Variants in MYO7B observed in about 807,000 individuals in gnomAD.
MYO7B encodes the protein myosin VIIB, also known as unconventional myosin-VIIb.
A neutral mutation model predicts 259.7 loss-of-function variants in MYO7B; 212 were observed. The observed-to-expected ratio is 0.82, with a 90% CI of 0.73 to 0.91. The LOEUF (loss-of-function observed/expected upper bound fraction) is 0.91. MYO7B is among the 40% of genes least tolerant of loss of function. The probability of loss-of-function intolerance (pLI) is 0.00; values close to 1 mark genes in which losing one functional copy is unlikely to be tolerated. For missense variants in MYO7B, 2,732 were observed against 2,813.5 expected, an observed-to-expected ratio of 0.97 and a Z score of 0.66; for synonymous variants, 1,197 against 1,166.4, an observed-to-expected ratio of 1.03 and a Z score of -0.54.
Position 127,612,523 on chromosome 2 carries a change from C to G in MYO7B, c.3318C>G (p.Gly1106=). The change falls in exon 26 of 48, where the codon GGC becomes GGG. Residue 1106 remains glycine (G), a synonymous_variant. Transcript: ENST00000409816. ...NIGEEALEPD[G]LGADRPMSNL... ...GAGAGGAGGCATTGGAGCCTGATGG[C>G]CTTGGTGCAGACCGGCCCATGTCCA... is the stretch of plus-strand genomic sequence containing the variant. 1 of 1,576,598 alleles carries G rather than the reference C, an allele frequency of 6.3e-7. No homozygotes were observed. Among genetic ancestry groups the G allele is most frequent in the Non-Finnish European group, 8.6e-7 (1 of 1,161,142 alleles).
intron 2 of MYO7B, among the ~76,000 whole-genome samples, chr2:127,560,030 C>CTTTTTTT (rs59002626): frequency 1.4e-5 from 2 of 138,180 alleles, no homozygotes; most frequent in African/African-American, 5.5e-5. Context: ...CTTTTCTTTT[C>CTTTTTTT]TTTTTTTTTT....
In MYO7B at chr2:127,633,295, G is replaced by T. The variant is rs374224375; in HGVS notation, c.5443G>T (p.Val1815Leu). 7 of 1,612,652 alleles carry T rather than the reference G, an allele frequency of 4.3e-6. No homozygotes were observed. The highest frequency in any genetic ancestry group is 5.1e-6 in the Non-Finnish European group (6 of 1,179,748). ...PRKQPPHQVE[V>L]EAAEQNVSRI... ...GAAGCAGCCCCCGCACCAGGTGGAG[G>T]TGGAGGCCGCAGAGCAGAACGTCTC... The change falls in exon 40 of 48, where the codon GTG (valine) becomes TTG (leucine). Residue 1815 changes from valine (V) to leucine (L), a missense_variant. Around this residue, in one of 3 missense-constraint regions of MYO7B, gnomAD observed 821 missense variants for 769.3 expected, o/e 1.07. Coordinates refer to ENST00000409816, the MANE Select transcript of MYO7B (RefSeq NM_001393586.1).
rs1408831275 is a variant in MYO7B at position 127,593,062 on chromosome 2, TG to T, written c.2145+117del. The T allele has an allele frequency of 5.3e-6, 7 of 1,327,086 alleles. No individual in the cohort carries two copies. In the Admixed American group the frequency reaches 1.2e-4, roughly 24 times the overall value. The allele number at this position is 1,327,086 out of a possible 1,614,324, so 82.2% of individuals were successfully genotyped here. Reference sequence around the variant, plus strand: ...CCGCTGCCCTCCCCGGCCCCAGCCTTGCGATGAGCCCTGTCCTTCCTCCCTC... The same window carrying T: ...CCGCTGCCCTCCCCGGCCCCAGCCTTCGATGAGCCCTGTCCTTCCTCCCTC... On this transcript the variant is annotated intron_variant, in intron 17 of 47. Coordinates refer to ENST00000409816, the MANE Select transcript of MYO7B (RefSeq NM_001393586.1).
intron 1 of MYO7B, among the ~76,000 whole-genome samples, chr2:127,556,001 G>A (rs1693621620): frequency 6.6e-6 from 1 of 152,146 alleles, no homozygotes; most frequent in Non-Finnish European, 1.5e-5. Context: ...GAGTATTGAA[G>A]TCCCCGGCTA....
In MYO7B at chr2:127,581,900, C is replaced by G. The variant is rs757159829; in HGVS notation, c.1090C>G (p.Gln364Glu). The G allele has an allele frequency of 6.2e-7, 1 of 1,613,802 alleles. No homozygotes were observed. The highest frequency in any genetic ancestry group is 1.1e-5 in the South Asian group (1 of 91,084). Reference sequence around the variant, plus strand: ...CCACCTGCCTCCCCAGGTGCAGCACCAGGAGCTCCGGGACTGTCTGATCAA... The same window carrying G: ...CCACCTGCCTCCCCAGGTGCAGCACGAGGAGCTCCGGGACTGTCTGATCAA... ...TVMKLLEVQHQELRDCLIKHT... is the reference protein window; with the variant it reads ...TVMKLLEVQHEELRDCLIKHT... The change falls in exon 11 of 48, where the codon CAG (glutamine) becomes GAG (glutamate). Residue 364 changes from glutamine (Q) to glutamate (E), a missense_variant. Gln to Glu is a conservative substitution (Grantham distance 29, BLOSUM62 2). Transcript: ENST00000409816.
intron 31 of MYO7B, chr2:127,626,094 G>T (rs1194376951): frequency 6.6e-6 from 1 of 152,342 alleles, no homozygotes; most frequent in Non-Finnish European, 1.5e-5. Context: ...AGTGAAAAGA[G>T]AGTTCGGTTG....
chr2:127,602,641 C>A (rs190788985), intron 19 of MYO7B, among the ~76,000 whole-genome samples: 125 of 152,106 alleles, frequency 8.2e-4, no homozygotes, highest in African/African-American at 2.7e-3. Context: ...CAGAGTGAGA[C>A]CCTGTCTCCA....
chr2:127,569,929 C>T lies in MYO7B; in HGVS notation c.592+19C>T. On this transcript the variant is annotated intron_variant, in intron 6 of 47. Transcript: ENST00000409816. Reference sequence around the variant, plus strand: ...CTGGAGGGTAAGCATCACTCTGGGACCCGCCCTTCTCCCCCAGCCCCCCTG... The same window carrying T: ...CTGGAGGGTAAGCATCACTCTGGGATCCGCCCTTCTCCCCCAGCCCCCCTG... 6.2e-7 allele frequency: 1 copy of T among 1,602,320 alleles called. No homozygotes were observed. Among genetic ancestry groups the T allele is most frequent in the African/African-American group, 1.3e-5 (1 of 74,686 alleles).
Position 127,609,410 on chromosome 2 carries a change from C to G in MYO7B, c.2815-96C>G. 2.6e-6 allele frequency: 3 copies of G among 1,138,042 alleles called. No individual in the cohort carries two copies. The highest frequency in any genetic ancestry group is 3.8e-6 in the Non-Finnish European group (3 of 784,144). The allele number at this position is 1,138,042 out of a possible 1,614,324, so 70.5% of individuals were successfully genotyped here. A position where few individuals can be genotyped will look rare whatever the true frequency, so the allele number is the denominator to read the frequency against. ...CACCTGAGGGATCAGGGTAATGCAA[C>G]AGCCCCCGTGCTGCCCGGCCTGCTG... On this transcript the variant is annotated intron_variant, in intron 22 of 47. Coordinates refer to ENST00000409816, the MANE Select transcript of MYO7B (RefSeq NM_001393586.1). This position sits in a 1 kb window ranked among gnomAD's most constrained non-coding sequence, Gnocchi z 6.9.
intron 9 of MYO7B, 113 bp downstream of exon 9, chr2:127,578,399 C>G: frequency 1.5e-6 from 2 of 1,334,478 alleles, no homozygotes; most frequent in Non-Finnish European, 2.0e-6. Context: ...CCAACCCAGG[C>G]CTGGAAAAAT....
intron 26 of MYO7B, among the ~76,000 whole-genome samples, chr2:127,619,045 G>A (rs1472599787): frequency 2.1e-5 from 3 of 141,070 alleles, no homozygotes; most frequent in Admixed American, 7.1e-5. Context: ...AATGGTGGGC[G>A]CTGGTTGGAT....
intron 8 of MYO7B, 21 bp from the exon 9 acceptor site, chr2:127,578,112 C>T: frequency 6.2e-7 from 1 of 1,612,816 alleles, no homozygotes; most frequent in Non-Finnish European, 8.5e-7. Context: ...GCCCCATTCA[C>T]TGAGGCACCC....
intron 30 of MYO7B, among the ~76,000 whole-genome samples, chr2:127,625,130 G>T (rs1169799138): frequency 6.6e-6 from 1 of 152,230 alleles, no homozygotes; most frequent in East Asian, 1.9e-4. Flanking sequence ...CCCCAGAACT[G>T]GAGAGCAGCC....
At chr2:127,630,734 T>G in intron 35 of MYO7B, 44 bp from the exon 36 acceptor site, 5 of 1,606,402 alleles carry the variant, frequency 3.1e-6, no homozygotes, top group Non-Finnish European at 4.2e-6. Flanking sequence ...AAGGGCCTCA[T>G]GGGCGGTGGC....
Position 127,627,425 on chromosome 2 carries a change from T to C in MYO7B, c.4460+115T>C, listed in dbSNP as rs766660103. ...TGCCGTCCCGGGTAACAGGCCGGGG[T>C]GGAGGGACAAGAATCTACGTATGCG... On this transcript the variant is annotated intron_variant, in intron 33 of 47. Coordinates refer to ENST00000409816, the MANE Select transcript of MYO7B (RefSeq NM_001393586.1). The surrounding 1 kb of genome is among the most constrained non-coding windows in gnomAD (Gnocchi z 5.6). 10 of 1,406,196 alleles carry C rather than the reference T, an allele frequency of 7.1e-6. No homozygotes were observed. The South Asian group carries it at 1.1e-4, about 16-fold the overall frequency. 87.1% of individuals were successfully genotyped at this position (1,406,196 alleles called of 1,614,324 possible). A position where few individuals can be genotyped will look rare whatever the true frequency, so the allele number is the denominator to read the frequency against.
chr2:127,571,442 G>GTTTTTTTTTTGTTTTGTTT (rs1553448471), intron 6 of MYO7B, among the ~76,000 whole-genome samples: 1 of 41,984 alleles, frequency 2.4e-5, no homozygotes. Flanking sequence ...TTACCAGTGA[G>GTTTTTTTTTTGTTTTGTTT]TTTTTTTTTT....
At chr2:127,549,773 AG>A (rs1693377368) in intron 1 of MYO7B, among the ~76,000 whole-genome samples, 1 of 152,186 alleles carries the variant, frequency 6.6e-6, no homozygotes, top group Non-Finnish European at 1.5e-5. Context: ...GGGACTCAGC[AG>A]GGCTATGATC....
At chr2:127,632,168 CGTCCCT>C in intron 38 of MYO7B, 72 bp from the exon 39 acceptor site, 1 of 1,493,938 alleles carries the variant, frequency 6.7e-7, no homozygotes, top group Non-Finnish European at 9.0e-7. Flanking sequence ...CTCTCACATC[CGTCCCT>C]GCTCCCCAAG....
chr2:127,580,735 T>G lies in MYO7B; in HGVS notation c.1004-11T>G, dbSNP rs1679065534. The G allele has an allele frequency of 1.2e-6, 2 of 1,610,200 alleles. No individual in the cohort carries two copies. Among genetic ancestry groups the G allele is most frequent in the African/African-American group, 1.3e-5 (1 of 74,888 alleles). ...TGCTTTCCAACTCAGCATTCCTGCTTCTCTCTCTAGCTTCGGTCTTCGAGA... is the reference window on the plus strand; with the variant it reads ...TGCTTTCCAACTCAGCATTCCTGCTGCTCTCTCTAGCTTCGGTCTTCGAGA... On this transcript the variant is annotated splice_polypyrimidine_tract_variant and intron_variant, in intron 9 of 47. Coordinates refer to ENST00000409816, the MANE Select transcript of MYO7B (RefSeq NM_001393586.1).
Sources: gnomAD v4.1 joint callset for allele counts (sites outside exome capture counted in the v4.1 genomes callset) on GRCh38, gnomAD v4.1.1 for gene constraint, gnomAD v4.1.1 regional missense constraint, Gnocchi (gnomAD v3.1) non-coding constraint, MANE v1.5 for transcripts, NCBI Gene and HGNC (gene_info 2026-07-23, HGNC 2026-07-21) for gene names.